Variants in HNRNPD observed in about 807,000 individuals in gnomAD.
The protein encoded by HNRNPD is heterogeneous nuclear ribonucleoprotein D.
HNRNPD carries 3 observed loss-of-function variants against 47.9 expected under a neutral mutation model. The ratio of observed to expected loss-of-function variants is 0.06; its 90% CI spans 0.03 to 0.16. HNRNPD has a LOEUF of 0.16. HNRNPD is among the 10% of genes least tolerant of loss of function. The probability of loss-of-function intolerance (pLI) is 1.00; values close to 1 mark genes in which losing one functional copy is unlikely to be tolerated. For synonymous variants in HNRNPD, 171 were observed against 165.1 expected, an observed-to-expected ratio of 1.04 and a Z score of -0.28; for missense variants, 287 against 454.2, an observed-to-expected ratio of 0.63 and a Z score of 3.35.
chr4:82,372,635 A>C (rs1034152455), intron 1 of HNRNPD, among the ~76,000 whole-genome samples: 2 of 152,164 alleles, frequency 1.3e-5, no homozygotes, highest in East Asian at 1.9e-4. Context: ...GCGCGGTTAG[A>C]ATAACTCAGT....
At chr4:82,370,800 G>A (rs1720003409) in intron 2 of HNRNPD, among the ~76,000 whole-genome samples, 1 of 152,070 alleles carries the variant, frequency 6.6e-6, no homozygotes, top group Non-Finnish European at 1.5e-5. Flanking sequence ...TTTAGGGGAG[G>A]GGAAAGGATG....
Position 82,364,889 on chromosome 4 carries a change from T to TA in HNRNPD, c.291-5251dup, listed in dbSNP as rs1719675806. Reference sequence around the variant, plus strand: ...CAATAAACTTATTCTCTGGACTATTTAGGTCACTAGGTTTTTAACATTCCC... The same window carrying TA: ...CAATAAACTTATTCTCTGGACTATTTAAGGTCACTAGGTTTTTAACATTCCC... On this transcript the variant is annotated intron_variant, in intron 2 of 8. Coordinates refer to ENST00000313899, the MANE Select transcript of HNRNPD (RefSeq NM_031370.3). Among the ~76,000 whole-genome samples, 3 of 152,334 alleles carry TA rather than the reference T, an allele frequency of 2.0e-5. No homozygotes were observed. The South Asian group carries it at 6.2e-4, about 32-fold the overall frequency.
intron 2 of HNRNPD, among the ~76,000 whole-genome samples, chr4:82,368,834 G>A (rs1305924678): frequency 6.6e-6 from 1 of 152,168 alleles, no homozygotes; most frequent in East Asian, 1.9e-4. Context: ...AACATTTAAA[G>A]CAAAAACATG....
At chr4:82,365,771 A>ATTTTTTTT (rs80051188) in intron 2 of HNRNPD, among the ~76,000 whole-genome samples, 6 of 106,256 alleles carry the variant, frequency 5.6e-5, no homozygotes, top group Admixed American at 2.1e-4. Context: ...GGCCCAGCTA[A>ATTTTTTTT]TTTTTTTTTT....
At chr4:82,370,139 T>C (rs1719965938) in intron 2 of HNRNPD, among the ~76,000 whole-genome samples, 1 of 152,126 alleles carries the variant, frequency 6.6e-6, no homozygotes, top group African/African-American at 2.4e-5. Context: ...CTAAACTCCG[T>C]CTCAAAAATA....
intron 3 of HNRNPD, among the ~76,000 whole-genome samples, chr4:82,359,079 T>TGCTAC (rs1486641747): frequency 1.3e-5 from 2 of 152,172 alleles, no homozygotes; most frequent in African/African-American, 4.8e-5. Flanking sequence ...CAAACATGAC[T>TGCTAC]GCTACTTCCC....
intron 2 of HNRNPD, among the ~76,000 whole-genome samples, chr4:82,370,138 G>T (rs776091524): frequency 5.9e-5 from 9 of 152,048 alleles, no homozygotes; most frequent in Non-Finnish European, 1.2e-4. Flanking sequence ...GCTAAACTCC[G>T]TCTCAAAAAT....
intron 2 of HNRNPD, among the ~76,000 whole-genome samples, chr4:82,367,580 T>C (rs531900441): frequency 6.6e-6 from 1 of 152,274 alleles, no homozygotes; most frequent in East Asian, 1.9e-4. Context: ...TAAGACTAAA[T>C]GGGGAGACAG....
intron 2 of HNRNPD, among the ~76,000 whole-genome samples, chr4:82,362,686 T>A (rs1719530370): frequency 6.6e-6 from 1 of 152,120 alleles, no homozygotes; most frequent in Admixed American, 6.5e-5. Flanking sequence ...CACTGCAACC[T>A]CTGCCTCCCA....
In HNRNPD at chr4:82,373,700, G is replaced by C; in HGVS notation, c.-22C>G. 4 of 1,479,954 alleles carry C rather than the reference G, an allele frequency of 2.7e-6. No individual in the cohort carries two copies. Among genetic ancestry groups the C allele is most frequent in the Non-Finnish European group, 3.6e-6 (4 of 1,119,962 alleles). 91.7% of individuals were successfully genotyped at this position (1,479,954 alleles called of 1,614,324 possible). On this transcript the variant is annotated 5_prime_UTR_variant, in exon 1 of 9. Coordinates refer to ENST00000313899, the MANE Select transcript of HNRNPD (RefSeq NM_031370.3). Reference sequence around the variant, plus strand: ...ACATAGTGCTAGTGTCTCCGCCGCTGCCGCCGAGACTACACCCGCCGCTGC... The same window carrying C: ...ACATAGTGCTAGTGTCTCCGCCGCTCCCGCCGAGACTACACCCGCCGCTGC...
chr4:82,360,695 C>A (rs1385311477), intron 2 of HNRNPD, among the ~76,000 whole-genome samples: 1 of 152,064 alleles, frequency 6.6e-6, no homozygotes, highest in Non-Finnish European at 1.5e-5. Flanking sequence ...GACACTAACT[C>A]AGCTCTATAA....
rs751622901 is a variant in HNRNPD at position 82,359,459 on chromosome 4, G to A, written c.459+12C>T. On this transcript the variant is annotated intron_variant, in intron 3 of 8. Transcript: ENST00000313899. ...TTATATTATTAACTGATCAGAACAC[G>A]TAACACACTACCTTATCTACACTCT... is the stretch of plus-strand genomic sequence containing the variant. 24 of 1,507,876 alleles carry A rather than the reference G, an allele frequency of 1.6e-5. No homozygotes were observed. The highest frequency in any genetic ancestry group is 7.8e-5 in the South Asian group (6 of 77,068). 93.4% of individuals were successfully genotyped at this position (1,507,876 alleles called of 1,614,324 possible).
chr4:82,373,071 T>C (rs1354030177), intron 1 of HNRNPD: 2 of 477,484 alleles, frequency 4.2e-6, no homozygotes, highest in Non-Finnish European at 4.1e-6. Flanking sequence ...TGCCCAAGAC[T>C]GTAGAAAAAG....
chr4:82,373,873 G>T lies in HNRNPD; in HGVS notation c.-195C>A. ...CCTGCCCCCTTCGCCTCCCACTCTC[G>T]CGCGGCGCACACTCCCGCTCTCTCC... On this transcript the variant is annotated 5_prime_UTR_variant, in exon 1 of 9. Coordinates refer to ENST00000313899, the MANE Select transcript of HNRNPD (RefSeq NM_031370.3). 1 of 1,290,122 alleles carries T rather than the reference G, an allele frequency of 7.8e-7. No individual in the cohort carries two copies. The highest frequency in any genetic ancestry group is 1.5e-5 in the South Asian group (1 of 65,548). The allele number at this position is 1,290,122 out of a possible 1,614,324, so 79.9% of individuals were successfully genotyped here.
chr4:82,364,138 G>A, intron 2 of HNRNPD, among the ~76,000 whole-genome samples: 1 of 151,876 alleles, frequency 6.6e-6, no homozygotes, highest in South Asian at 2.1e-4. Flanking sequence ...CAACACACCC[G>A]GCTAATATTT....
chr4:82,361,347 A>C (rs1719422218), intron 2 of HNRNPD, among the ~76,000 whole-genome samples: 1 of 152,242 alleles, frequency 6.6e-6, no homozygotes, highest in South Asian at 2.1e-4. Context: ...ATTTTTAATG[A>C]GAAAGAGAAC....
At chr4:82,364,743 T>C (rs1360673534) in intron 2 of HNRNPD, among the ~76,000 whole-genome samples, 1 of 152,210 alleles carries the variant, frequency 6.6e-6, no homozygotes, top group Non-Finnish European at 1.5e-5. Flanking sequence ...TGACTTGGTC[T>C]ACCCTACATT....
At chr4:82,370,250 G>T (rs1453945538) in intron 2 of HNRNPD, among the ~76,000 whole-genome samples, 9 of 152,066 alleles carry the variant, frequency 5.9e-5, no homozygotes, top group Admixed American at 5.9e-4. Flanking sequence ...TTTTTCCTGA[G>T]ATTATTCAAA....
At chr4:82,369,948 G>A (rs1476765464) in intron 2 of HNRNPD, among the ~76,000 whole-genome samples, 1 of 152,174 alleles carries the variant, frequency 6.6e-6, no homozygotes, top group Non-Finnish European at 1.5e-5. Flanking sequence ...TTCGAGACCA[G>A]CCTGACCAAC....
Sources: allele counts gnomAD v4.1 joint callset (sites outside exome capture counted in the v4.1 genomes callset), GRCh38; gene constraint gnomAD v4.1.1; transcripts MANE v1.5; gene names NCBI Gene and HGNC (gene_info 2026-07-23, HGNC 2026-07-21).